The following REPS2 variants were observed in gnomAD, a reference collection of about 807,000 sequenced individuals.
REPS2 encodes the protein ralBP1-associated Eps domain-containing protein 2.
Under a neutral mutation model 53.6 loss-of-function variants are expected in REPS2, and 23 were observed. That is an observed-to-expected ratio of 0.43 (90% confidence interval 0.31 to 0.61). The LOEUF (loss-of-function observed/expected upper bound fraction) is 0.61. Among genes scored for constraint, REPS2 ranks in the 20% least tolerant of loss-of-function variants. The pLI is 0.11. For missense variants in REPS2, 446 were observed against 534.9 expected (o/e 0.83, Z 1.64); for synonymous variants, 238 against 218.6 (o/e 1.09, Z -0.78).
the REPS2 span, among the ~76,000 whole-genome samples, chrX:17,175,268 A>T: frequency 7.1e-5 from 8 of 112,490 alleles, no homozygotes; most frequent in Non-Finnish European, 9.4e-5. Context: ...AGGCAGGCCT[A>T]CTAGGTGTCA....
chrX:17,046,298 C>T (rs1247336205), intron 5 of REPS2, among the ~76,000 whole-genome samples: 2 of 109,740 alleles, frequency 1.8e-5, no homozygotes, highest in African/African-American at 6.6e-5. Flanking sequence ...TTGCCTTAGC[C>T]TCCCGAGTAG....
chrX:17,187,603 A>G, the REPS2 span, among the ~76,000 whole-genome samples: 4 of 112,189 alleles, frequency 3.6e-5, no homozygotes, highest in African/African-American at 1.3e-4. Context: ...TACTGCAACT[A>G]ATGCTGTCAT....
chrX:17,080,608 G>A (rs1164541663), intron 13 of REPS2, among the ~76,000 whole-genome samples: 3 of 112,033 alleles, frequency 2.7e-5, no homozygotes, highest in Non-Finnish European at 5.6e-5. Context: ...AGGGTGAGGT[G>A]GAACACCTGT....
the REPS2 span, among the ~76,000 whole-genome samples, chrX:17,179,804 GA>G: frequency 9.0e-6 from 1 of 110,890 alleles, no homozygotes; most frequent in Non-Finnish European, 1.9e-5. Flanking sequence ...GCTGTAAGGG[GA>G]AAAAAACCCT....
At chrX:17,032,492 G>T (rs1013998377) in intron 5 of REPS2, among the ~76,000 whole-genome samples, 3 of 111,472 alleles carry the variant, frequency 2.7e-5, no homozygotes, top group African/African-American at 9.8e-5. Context: ...TGGACTCCGT[G>T]TTCCAGAAAG....
At position 17,004,204 on chromosome X, in the gene REPS2, G is replaced by T. The variant is rs779522776; in HGVS notation, c.274-2017G>T. 3.6e-5 allele frequency among the ~76,000 whole-genome samples: 4 copies of T among 110,550 alleles called. No individual in the cohort carries two copies. The East Asian group carries it at 1.1e-3, about 31-fold the overall frequency. ...TTTTCATTTTTTTCCCCTTTATTTT[G>T]AGGAAAGCCCAGTGATTTGGATTGT... On this transcript the variant is annotated intron_variant, in intron 1 of 17. Transcript: ENST00000357277.
At chrX:17,140,324 A>C (rs1285557773) in intron 17 of REPS2, among the ~76,000 whole-genome samples, 1 of 110,520 alleles carries the variant, frequency 9.0e-6, no homozygotes, top group Non-Finnish European at 1.9e-5. Flanking sequence ...GGTTTTTGAC[A>C]TACCATACTC....
intron 8 of REPS2, among the ~76,000 whole-genome samples, chrX:17,055,912 G>A (rs1406084130): frequency 1.6e-4 from 16 of 102,161 alleles, no homozygotes; most frequent in African/African-American, 4.7e-4. Flanking sequence ...TGGGTGCAGC[G>A]CACCAGCATG....
chrX:17,172,975 A>ATGTGTGTG, the REPS2 span, among the ~76,000 whole-genome samples: 719 of 99,280 alleles, frequency 7.2e-3, 10 homozygotes, highest in African/African-American at 0.025. Context: ...GTGTGTATGT[A>ATGTGTGTG]TGTGTGTGTG....
At chrX:16,966,122 G>C (rs141282378) in intron 1 of REPS2, among the ~76,000 whole-genome samples, 1 of 111,165 alleles carries the variant, frequency 9.0e-6, no homozygotes, top group South Asian at 3.7e-4. Context: ...GAGGGAGACC[G>C]TGGGGAGAGG....
At position 17,074,670 on chromosome X, in the gene REPS2, T is replaced by A. The variant is rs555367446; in HGVS notation, c.1379+511T>A. The stretch of plus-strand genomic sequence containing the variant: ...GTGCCCCTGTAAGCTTCACATTTTT[T>A]AAGAGGCTAGTACAAGAGAGAAAGC... On this transcript the variant is annotated intron_variant, in intron 12 of 17. Coordinates refer to ENST00000357277, the MANE Select transcript of REPS2 (RefSeq NM_004726.3). The A allele has an allele frequency of 1.4e-4, 16 of 112,569 alleles. No homozygotes were observed. In the South Asian group the frequency reaches 5.9e-3, roughly 41 times the overall value. 9.3% of individuals were successfully genotyped at this position (112,569 alleles called of 1,213,427 possible).
intron 14 of REPS2, among the ~76,000 whole-genome samples, chrX:17,104,069 G>T (rs1399126463): frequency 2.7e-5 from 3 of 111,751 alleles, no homozygotes; most frequent in Non-Finnish European, 5.6e-5. Context: ...GTAGAAGAAG[G>T]GGCCTCTCTC....
chrX:17,129,105 C>T (rs750718868), intron 14 of REPS2, among the ~76,000 whole-genome samples: 3 of 111,653 alleles, frequency 2.7e-5, no homozygotes, highest in Admixed American at 1.9e-4. Flanking sequence ...GCCATATTAT[C>T]GTGTTGGCAG....
intron 14 of REPS2, among the ~76,000 whole-genome samples, chrX:17,133,355 T>C (rs2063320080): frequency 9.0e-6 from 1 of 111,692 alleles, no homozygotes; most frequent in Admixed American, 9.5e-5. Flanking sequence ...TGGGCTTTGG[T>C]TGGCCTGGGG....
intron 7 of REPS2, among the ~76,000 whole-genome samples, 195 bp downstream of exon 7, chrX:17,052,640 G>A (rs1311610980): frequency 2.7e-5 from 3 of 112,269 alleles, no homozygotes; most frequent in East Asian, 2.8e-4. Flanking sequence ...TGTCTGGCAC[G>A]TATTAAGCAC....
At chrX:17,026,850 C>T (rs1054073628) in intron 4 of REPS2, among the ~76,000 whole-genome samples, 7 of 111,863 alleles carry the variant, frequency 6.3e-5, no homozygotes, top group African/African-American at 2.0e-4. Flanking sequence ...TGCACTGGCG[C>T]GATCATGGCT....
At chrX:17,057,897 G>T (rs1352344818) in intron 8 of REPS2, among the ~76,000 whole-genome samples, 1 of 112,040 alleles carries the variant, frequency 8.9e-6, no homozygotes, top group African/African-American at 3.2e-5. Context: ...CTCTCTAAAG[G>T]GAATTAATAG....
At chrX:17,029,487 C>T in intron 4 of REPS2, 39 bp from the exon 5 acceptor site, 2 of 953,915 alleles carry the variant, frequency 2.1e-6, no homozygotes, top group Non-Finnish European at 3.0e-6. Flanking sequence ...TGAATGGAAT[C>T]TTTGCATACC....
At chrX:17,139,490 A>T (rs1298851924) in intron 17 of REPS2, among the ~76,000 whole-genome samples, 2 of 110,382 alleles carry the variant, frequency 1.8e-5, no homozygotes, top group Non-Finnish European at 3.8e-5. Context: ...TCTCAATGAC[A>T]TCACCCCTGT....
Sources: gnomAD v4.1 joint callset for allele counts (sites outside exome capture counted in the v4.1 genomes callset) on GRCh38, gnomAD v4.1.1 for gene constraint, MANE v1.5 for transcripts, NCBI Gene and HGNC (gene_info 2026-07-23, HGNC 2026-07-21) for gene names.